The following CSTF2 variants were observed in gnomAD, a reference collection of about 807,000 sequenced individuals.
CSTF2 encodes CF-1 64 kDa subunit.
In CSTF2, 8 loss-of-function variants were observed where a neutral mutation model predicts 45.4. The ratio of observed to expected loss-of-function variants is 0.18; its 90% CI spans 0.10 to 0.32. CSTF2 has a LOEUF of 0.32. Among genes scored for constraint, CSTF2 ranks in the 10% least tolerant of loss-of-function variants. The pLI is 1.00. For synonymous variants in CSTF2, 155 were observed against 158.9 expected (o/e 0.98, Z 0.18); for missense variants, 253 against 477.1 (o/e 0.53, Z 4.38).
Position 100,831,497 on chromosome X carries a change from C to T in CSTF2, c.890-18C>T, listed in dbSNP as rs959210545. 36 of 1,209,287 alleles carry T rather than the reference C, an allele frequency of 3.0e-5. No individual in the cohort carries two copies. Among genetic ancestry groups the T allele is most frequent in the South Asian group, 8.8e-5 (5 of 56,780 alleles). ...TGTGTCTTTCACAGCAGTAACTCCC[C>T]GTTTGTTTCCCTGTCAGTGCCGATG... On this transcript the variant is annotated intron_variant, in intron 8 of 13. Transcript: ENST00000372972.
intron 7 of CSTF2, 151 bp from the exon 8 acceptor site, chrX:100,827,889 T>C (rs1372977151): frequency 2.6e-6 from 1 of 387,822 alleles, no homozygotes; most frequent in African/African-American, 2.6e-5. Context: ...ACAAACCCCA[T>C]CTTCTCTCTC....
intron 9 of CSTF2, among the ~76,000 whole-genome samples, 195 bp downstream of exon 9, chrX:100,831,851 A>G: frequency 8.9e-6 from 1 of 112,441 alleles, no homozygotes; most frequent in East Asian, 2.8e-4. Context: ...TTGAGCTATT[A>G]TATTTTTAGA....
At position 100,820,582 on chromosome X, in the gene CSTF2, C is replaced by G. The variant is rs761237860; in HGVS notation, c.58+108C>G. ...TGACGGTTCGGACGTGCAGTTCTCC[C>G]TGCTTATCCTGTAGGGCGTCCAACC... On this transcript the variant is annotated intron_variant, in intron 1 of 13. Coordinates refer to ENST00000372972, the MANE Select transcript of CSTF2 (RefSeq NM_001325.3). 11 of 820,385 alleles carry G rather than the reference C, an allele frequency of 1.3e-5. No individual in the cohort carries two copies. The African/African-American group carries it at 2.2e-4, about 16-fold the overall frequency. The allele number at this position is 820,385 out of a possible 1,213,427, so 67.6% of individuals were successfully genotyped here. A position where few individuals can be genotyped will look rare whatever the true frequency, so the allele number is the denominator to read the frequency against.
intron 13 of CSTF2, among the ~76,000 whole-genome samples, chrX:100,839,759 A>G (rs1242820823): frequency 9.0e-6 from 1 of 111,616 alleles, no homozygotes; most frequent in African/African-American, 3.3e-5. Flanking sequence ...GAATAAATAA[A>G]AATTATTTCT....
At chrX:100,835,547 C>CT (rs3031093) in intron 11 of CSTF2, among the ~76,000 whole-genome samples, 27,124 of 100,633 alleles carry the variant, frequency 0.27, 3,150 homozygotes, top group African/African-American at 0.39. Flanking sequence ...TGTTCTATAC[C>CT]TTTTTTTTTT....
chrX:100,827,744 A>T (rs1489700309), intron 7 of CSTF2, among the ~76,000 whole-genome samples: 2 of 112,281 alleles, frequency 1.8e-5, no homozygotes, highest in African/African-American at 6.5e-5. Flanking sequence ...CAGGAGGTCC[A>T]TGGGTAAGTG....
chrX:100,831,244 A>G (rs891279681), intron 8 of CSTF2, among the ~76,000 whole-genome samples: 5 of 111,205 alleles, frequency 4.5e-5, no homozygotes, highest in African/African-American at 1.6e-4. Context: ...TTAGAAGGAA[A>G]ACCAGGAGCA....
At chrX:100,821,054 G>A (rs929084763) in intron 1 of CSTF2, among the ~76,000 whole-genome samples, 5 of 112,618 alleles carry the variant, frequency 4.4e-5, no homozygotes, top group African/African-American at 1.6e-4. Context: ...TTAAAAATAC[G>A]TGTGATTATT....
intron 11 of CSTF2, 89 bp downstream of exon 11, chrX:100,833,561 C>A (rs2084989681): frequency 1.1e-6 from 1 of 913,418 alleles, no homozygotes; most frequent in African/African-American, 2.0e-5. Flanking sequence ...TGCCTTCTGA[C>A]TTGGGCTGTT....
intron 11 of CSTF2, 98 bp downstream of exon 11, chrX:100,833,570 T>C: frequency 1.2e-6 from 1 of 845,873 alleles, no homozygotes; most frequent in South Asian, 2.7e-5. Context: ...ACTTGGGCTG[T>C]TTCTTAGCTT....
chrX:100,822,927 G>A (rs2084926958), intron 3 of CSTF2, among the ~76,000 whole-genome samples: 3 of 109,868 alleles, frequency 2.7e-5, no homozygotes, highest in East Asian at 5.7e-4. Context: ...GCCATTAGTA[G>A]TACTAACTGT....
At chrX:100,831,394 C>A in intron 8 of CSTF2, 121 bp from the exon 9 acceptor site, 1 of 787,653 alleles carries the variant, frequency 1.3e-6, no homozygotes, top group Non-Finnish European at 1.9e-6. Context: ...GAGGATTCTG[C>A]TGTGGTGAGG....
chrX:100,828,304 C>T (rs73636621), intron 8 of CSTF2, among the ~76,000 whole-genome samples: 225 of 111,811 alleles, frequency 2.0e-3, no homozygotes, highest in African/African-American at 7.0e-3. Context: ...TAGTGGATAC[C>T]ATACAGGACA....
intron 1 of CSTF2, among the ~76,000 whole-genome samples, chrX:100,820,946 A>G (rs992545111): frequency 3.6e-5 from 4 of 112,562 alleles, no homozygotes; most frequent in African/African-American, 1.3e-4. Context: ...GATGGCTTGT[A>G]AGTGAATGAA....
At chrX:100,837,624 G>A (rs142963558) in intron 12 of CSTF2, among the ~76,000 whole-genome samples, 175 bp downstream of exon 12, 1,659 of 112,325 alleles carry the variant, frequency 0.015, 26 homozygotes, top group African/African-American at 0.051. Flanking sequence ...GTCTGGTCCT[G>A]AAGTTCCTAA....
Position 100,832,900 on chromosome X carries a change from G to C in CSTF2, c.1198G>C (p.Asp400His). The C allele has an allele frequency of 8.3e-7, 1 of 1,200,641 alleles. No homozygotes were observed. The highest frequency in any genetic ancestry group is 1.1e-6 in the Non-Finnish European group (1 of 889,348). The change falls in exon 10 of 14, where the codon GAT (aspartate) becomes CAT (histidine). Residue 400 changes from aspartate to histidine, a missense_variant. Transcript: ENST00000372972. ...GCTAGATCAGAGGGGTCCACCCTTGGATGGCAGAGGTAAGGGGAGATCACA... is the reference window on the plus strand; with the variant it reads ...GCTAGATCAGAGGGGTCCACCCTTGCATGGCAGAGGTAAGGGGAGATCACA... ...PMLDQRGPPL[D>H]GRGGRDPRGI...
intron 11 of CSTF2, among the ~76,000 whole-genome samples, chrX:100,834,948 T>C (rs1305698083): frequency 8.9e-6 from 1 of 112,074 alleles, no homozygotes; most frequent in Non-Finnish European, 1.9e-5. Context: ...ATTACCCTAA[T>C]ACTAGGTTTA....
intron 13 of CSTF2, 114 bp downstream of exon 13, chrX:100,838,478 T>A: frequency 1.5e-6 from 1 of 686,910 alleles, no homozygotes; most frequent in Non-Finnish European, 2.0e-6. Context: ...TCCACTCAGC[T>A]AGACTCTTCT....
intron 8 of CSTF2, 80 bp downstream of exon 8, chrX:100,828,182 C>T: frequency 2.8e-6 from 2 of 713,730 alleles, no homozygotes; most frequent in Non-Finnish European, 4.1e-6. Flanking sequence ...ATGGCAGCCA[C>T]TAACCACCCA....
Sources: gnomAD v4.1 joint callset for allele counts (sites outside exome capture counted in the v4.1 genomes callset) on GRCh38, gnomAD v4.1.1 for gene constraint, MANE v1.5 for transcripts, NCBI Gene and HGNC (gene_info 2026-07-23, HGNC 2026-07-21) for gene names.